The following MECOM variants were observed in gnomAD, a reference collection of about 807,000 sequenced individuals.
The protein encoded by MECOM is histone-lysine N-methyltransferase MECOM.
Under a neutral mutation model 116.3 loss-of-function variants are expected in MECOM, and 13 were observed. The ratio of observed to expected loss-of-function variants is 0.11; its 90% CI spans 0.07 to 0.18. The LOEUF (loss-of-function observed/expected upper bound fraction) is 0.18, where lower values mean the gene tolerates loss of function less well. Among genes scored for constraint, MECOM ranks in the 10% least tolerant of loss-of-function variants. The pLI is 1.00. For synonymous variants in MECOM, 528 were observed against 535.2 expected, an observed-to-expected ratio of 0.99 and a Z score of 0.19; for missense variants, 1,299 against 1,509.0, an observed-to-expected ratio of 0.86 and a Z score of 2.31.
chr3:169,489,004 T>A (rs998203548), intron 1 of MECOM, among the ~76,000 whole-genome samples: 6 of 152,056 alleles, frequency 3.9e-5, no homozygotes, highest in East Asian at 3.8e-4. Context: ...TCTGAATTAA[T>A]TTTTTAAAAG....
chr3:169,514,309 A>AAAG (rs1023492259), intron 1 of MECOM, among the ~76,000 whole-genome samples: 69 of 151,764 alleles, frequency 4.5e-4, no homozygotes, highest in African/African-American at 1.5e-3. Flanking sequence ...TCAAAAAAAA[A>AAAG]AGAGAGAGAG....
intron 1 of MECOM, among the ~76,000 whole-genome samples, chr3:169,467,421 A>T (rs1748476979): frequency 6.6e-6 from 1 of 152,176 alleles, no homozygotes; most frequent in Admixed American, 6.5e-5. Context: ...ACTGCAAGTG[A>T]GGAAAGCAAA....
At chr3:169,292,290 A>C (rs1714722681) in intron 2 of MECOM, among the ~76,000 whole-genome samples, 1 of 152,148 alleles carries the variant, frequency 6.6e-6, no homozygotes, top group Non-Finnish European at 1.5e-5. Flanking sequence ...CTGAGATCGC[A>C]CAACCACACC....
intron 1 of MECOM, among the ~76,000 whole-genome samples, chr3:169,457,690 C>T (rs9835811): frequency 3.1e-4 from 47 of 152,020 alleles, no homozygotes; most frequent in African/African-American, 1.1e-3. Context: ...ATAGATATTC[C>T]CAATTATTAC....
chr3:169,639,222 A>G (rs1022099049), intron 1 of MECOM, among the ~76,000 whole-genome samples: 2 of 151,888 alleles, frequency 1.3e-5, no homozygotes, highest in African/African-American at 4.9e-5. Context: ...CATTATTCCA[A>G]GCTCCAGCGA....
At chr3:169,466,651 TAAAG>T (rs1343586893) in intron 1 of MECOM, among the ~76,000 whole-genome samples, 1 of 152,038 alleles carries the variant, frequency 6.6e-6, no homozygotes, top group African/African-American at 2.4e-5. Context: ...CCTCTTTAAA[TAAAG>T]AAAGAAAAGA....
At chr3:169,642,184 G>A (rs927643346) in intron 1 of MECOM, among the ~76,000 whole-genome samples, 5 of 152,064 alleles carry the variant, frequency 3.3e-5, no homozygotes, top group Non-Finnish European at 5.9e-5. Flanking sequence ...AGAGAATACA[G>A]AGCTGTGCAA....
chr3:169,494,640 T>C (rs1198581190), intron 1 of MECOM, among the ~76,000 whole-genome samples: 2 of 152,200 alleles, frequency 1.3e-5, no homozygotes, highest in African/African-American at 4.8e-5. Context: ...CTTTCACCTA[T>C]CTGTATTAAC....
intron 2 of MECOM, among the ~76,000 whole-genome samples, chr3:169,352,888 C>T (rs1577823459): frequency 6.6e-6 from 1 of 151,958 alleles, no homozygotes; most frequent in East Asian, 1.9e-4. Flanking sequence ...AAAAATGTCC[C>T]TCTCAAGTAC....
intron 2 of MECOM, among the ~76,000 whole-genome samples, chr3:169,288,479 A>C (rs1713825625): frequency 6.6e-6 from 1 of 152,198 alleles, no homozygotes; most frequent in Non-Finnish European, 1.5e-5. Context: ...TAACATTGAA[A>C]AGGTTCTATC....
At chr3:169,118,926 G>A (rs1353707423) in intron 7 of MECOM, among the ~76,000 whole-genome samples, 1 of 152,124 alleles carries the variant, frequency 6.6e-6, no homozygotes, top group African/African-American at 2.4e-5. Flanking sequence ...CAGGCCTCCA[G>A]GTAAACTGGT....
In MECOM at chr3:169,485,972, A is replaced by G. The variant is rs1358603968; in HGVS notation, c.38-104448T>C. On this transcript the variant is annotated intron_variant, in intron 1 of 16. Transcript: ENST00000651503. ...ATATATGTACATATATACTATATATACATATATATATAGTATATATATGTA... is the reference window on the plus strand; with the variant it reads ...ATATATGTACATATATACTATATATGCATATATATATAGTATATATATGTA... Among the ~76,000 whole-genome samples the G allele has an allele frequency of 4.5e-3, 241 of 53,030 alleles. 2 individuals carry two copies. The highest frequency in any genetic ancestry group is 0.019 in the African/African-American group (207 of 10,874). The allele number at this position is 53,030 out of a possible 152,430, so 34.8% of individuals were successfully genotyped here.
chr3:169,576,856 G>GAA (rs1764574810), intron 1 of MECOM, among the ~76,000 whole-genome samples: 1 of 149,986 alleles, frequency 6.7e-6, no homozygotes, highest in African/African-American at 2.5e-5. Context: ...GAGAGAGAGA[G>GAA]TTAAGAGTGA....
At chr3:169,469,175 G>A (rs990617813) in intron 1 of MECOM, among the ~76,000 whole-genome samples, 3 of 152,136 alleles carry the variant, frequency 2.0e-5, no homozygotes, top group Admixed American at 2.0e-4. Context: ...CTTTCCAGGA[G>A]GAGATGGTGA....
chr3:169,532,532 C>T (rs1758776132), intron 1 of MECOM, among the ~76,000 whole-genome samples: 1 of 152,122 alleles, frequency 6.6e-6, no homozygotes, highest in South Asian at 2.1e-4. Context: ...TGTCTAAGAC[C>T]CCTTATAATT....
At chr3:169,456,039 T>C (rs528224286) in intron 1 of MECOM, among the ~76,000 whole-genome samples, 2 of 152,312 alleles carry the variant, frequency 1.3e-5, no homozygotes, top group East Asian at 3.9e-4. Context: ...TTGTCAACAC[T>C]TAAAAGTGAG....
At chr3:169,285,815 C>A (rs1162342330) in intron 2 of MECOM, among the ~76,000 whole-genome samples, 1 of 152,122 alleles carries the variant, frequency 6.6e-6, no homozygotes, top group Admixed American at 6.6e-5. Context: ...GGAATGCATT[C>A]CAATTTCTTA....
intron 1 of MECOM, among the ~76,000 whole-genome samples, chr3:169,529,032 C>A (rs1301749704): frequency 6.6e-6 from 1 of 152,112 alleles, no homozygotes; most frequent in African/African-American, 2.4e-5. Flanking sequence ...TATAATGTGG[C>A]AAACACAGTT....
In MECOM at chr3:169,322,997, T is replaced by TTAAAAA. The variant is rs1270690613; in HGVS notation, c.375+58189_375+58190insTTTTTA. 5.2e-4 allele frequency among the ~76,000 whole-genome samples: 29 copies of TTAAAAA among 56,048 alleles called. 5 individuals carry two copies. The highest frequency in any genetic ancestry group is 2.9e-3 in the East Asian group (6 of 2,052). The allele number at this position is 56,048 out of a possible 152,430, so 36.8% of individuals were successfully genotyped here. ...CCTGCATGACAGAGCAAGACTCCGG[T>TTAAAAA]AAAAAAAAAAAAAAAAAAAAAAAAA... On this transcript the variant is annotated intron_variant, in intron 2 of 16. Transcript: ENST00000651503.
Sources: gnomAD v4.1 joint callset for allele counts (sites outside exome capture counted in the v4.1 genomes callset) on GRCh38, gnomAD v4.1.1 for gene constraint, MANE v1.5 for transcripts, NCBI Gene and HGNC (gene_info 2026-07-23, HGNC 2026-07-21) for gene names.